Variants in LRPPRC observed in about 807,000 individuals in gnomAD.
LRPPRC encodes leucine-rich PPR motif-containing protein, mitochondrial.
A neutral mutation model predicts 180.3 loss-of-function variants in LRPPRC; 120 were observed. That is an observed-to-expected ratio of 0.67 (90% CI 0.57 to 0.77). The LOEUF is 0.77. Ranked by LOEUF, LRPPRC falls within the 30% of genes least tolerant of loss-of-function variation. The pLI is 0.00. For missense variants in LRPPRC, 2,012 were observed against 1,657.2 expected, an observed-to-expected ratio of 1.21 and a Z score of -3.72; for synonymous variants, 723 against 600.0, an observed-to-expected ratio of 1.21 and a Z score of -3.00.
Position 43,920,441 on chromosome 2 carries a change from C to G in LRPPRC, c.2897-2043G>C, listed in dbSNP as rs551258080. On this transcript the variant is annotated intron_variant, in intron 27 of 37. Coordinates refer to ENST00000260665, the MANE Select transcript of LRPPRC (RefSeq NM_133259.4). Reference sequence around the variant, plus strand: ...GTGAGCCACCTTGCCCAGCTGCAGCCTAAACTTTCATACAGACTACATCGC... The same window carrying G: ...GTGAGCCACCTTGCCCAGCTGCAGCGTAAACTTTCATACAGACTACATCGC... 2.0e-4 allele frequency among the ~76,000 whole-genome samples: 31 copies of G among 152,094 alleles called. No homozygotes were observed. The South Asian group carries it at 6.5e-3, about 32-fold the overall frequency.
rs371286969 is a variant in LRPPRC at position 43,947,370 on chromosome 2, T to G, written c.1966A>C (p.Thr656Pro). 6.7e-7 allele frequency: 1 copy of G among 1,495,800 alleles called. No homozygotes were observed. The highest frequency in any genetic ancestry group is 1.7e-5 in the Admixed American group (1 of 59,606). The allele number at this position is 1,495,800 out of a possible 1,614,324, so 92.7% of individuals were successfully genotyped here. ...AATTCAGATGATGTAAGTTGCACAG[T>G]CTACAGAAAAGAAAAAAGAAAAGAA... ...VESKNLDFQK[T>P]VQLTSSELES... The change falls in exon 20 of 38, where the codon ACT becomes CCT. Residue 656 changes from threonine (T) to proline (P), a missense_variant and splice_region_variant. Physicochemically the swap from Thr to Pro is conservative, Grantham distance 38. Coordinates refer to ENST00000260665, the MANE Select transcript of LRPPRC (RefSeq NM_133259.4).
At chr2:43,917,042 C>CTTT (rs1206227556) in intron 29 of LRPPRC, among the ~76,000 whole-genome samples, 15 of 119,026 alleles carry the variant, frequency 1.3e-4, no homozygotes, top group Admixed American at 1.8e-4. Flanking sequence ...ACTAGATTTG[C>CTTT]TTTTTTTTTT....
chr2:43,965,943 G>T (rs1331665865), intron 11 of LRPPRC, among the ~76,000 whole-genome samples: 3 of 152,122 alleles, frequency 2.0e-5, no homozygotes. Flanking sequence ...GAAAAACTTA[G>T]AAGTAGAATT....
intron 1 of LRPPRC, among the ~76,000 whole-genome samples, chr2:43,985,805 T>C (rs994309605): frequency 2.0e-5 from 3 of 152,234 alleles, no homozygotes; most frequent in African/African-American, 7.2e-5. Context: ...GTGTGAAGGT[T>C]TTGGTATGGA....
intron 25 of LRPPRC, among the ~76,000 whole-genome samples, chr2:43,932,500 A>G (rs1018219448): frequency 1.3e-5 from 2 of 152,224 alleles, no homozygotes; most frequent in African/African-American, 4.8e-5. Flanking sequence ...TTCTGTCATC[A>G]GCAGACAGCC....
intron 14 of LRPPRC, among the ~76,000 whole-genome samples, chr2:43,954,736 T>C (rs541900560): frequency 1.4e-4 from 21 of 152,264 alleles, no homozygotes; most frequent in African/African-American, 4.8e-4. Context: ...TTTGTTTTGG[T>C]AGTGGCAAAA....
chr2:43,948,336 T>C, intron 17 of LRPPRC, 76 bp downstream of exon 17: 1 of 1,013,884 alleles, frequency 9.9e-7, no homozygotes. Context: ...TGGTTGTACT[T>C]AAAAGCAGCA....
At chr2:43,954,337 A>G (rs537672356) in intron 14 of LRPPRC, among the ~76,000 whole-genome samples, 8 of 152,374 alleles carry the variant, frequency 5.3e-5, no homozygotes, top group Non-Finnish European at 7.3e-5. Context: ...CAAATGGCCA[A>G]TAAGTATGCT....
At position 43,886,903 on chromosome 2, in the gene LRPPRC, G is replaced by C. The variant is rs1670289151; in HGVS notation, c.*1697C>G. 1 of 152,220 alleles carries C rather than the reference G, an allele frequency of 6.6e-6. No individual in the cohort carries two copies. Among genetic ancestry groups the C allele is most frequent in the Non-Finnish European group, 1.5e-5 (1 of 68,130 alleles). 9.4% of individuals were successfully genotyped at this position (152,220 alleles called of 1,614,324 possible). A position where few individuals can be genotyped will look rare whatever the true frequency, so the allele number is the denominator to read the frequency against. ...CACCTGTAATCCCAGCACTTTGGGA[G>C]GCTGAAGCGAGCGCAGGGGGAGGAT... On this transcript the variant is annotated 3_prime_UTR_variant, in exon 38 of 38. Transcript: ENST00000260665.
chr2:43,901,495 C>G lies in LRPPRC; in HGVS notation c.3394G>C (p.Asp1132His), dbSNP rs1227246297. The G allele has an allele frequency of 6.2e-7, 1 of 1,613,656 alleles. No individual in the cohort carries two copies. Among genetic ancestry groups the G allele is most frequent in the African/African-American group, 1.3e-5 (1 of 74,908 alleles). The part of the protein sequence containing the change: ...EAVTTLKTVL[D>H]QQQTPSRLAV... ...AACCTAGAAGGGGTCTGCTGCTGAT[C>G]CAATACTGTTTTCAGTGTTGTCACA... is the stretch of plus-strand genomic sequence containing the variant. Residue 1132 changes from aspartate to histidine, a missense_variant, in exon 32 of 38, where the codon GAT becomes CAT. By Grantham distance (81) the Asp-to-His change is moderately conservative (BLOSUM62 -1). Coordinates refer to ENST00000260665, the MANE Select transcript of LRPPRC (RefSeq NM_133259.4).
At chr2:43,987,870 T>A (rs1414264043) in intron 1 of LRPPRC, among the ~76,000 whole-genome samples, 1 of 152,220 alleles carries the variant, frequency 6.6e-6, no homozygotes, top group Non-Finnish European at 1.5e-5. Flanking sequence ...TATAAGGCAC[T>A]GGCTAGAATA....
Position 43,946,260 on chromosome 2 carries a change from A to G in LRPPRC, c.2080-17T>C, listed in dbSNP as rs1672678312. 1 of 1,604,138 alleles carries G rather than the reference A, an allele frequency of 6.2e-7. No individual in the cohort carries two copies. The highest frequency in any genetic ancestry group is 8.5e-7 in the Non-Finnish European group (1 of 1,171,496). ...TTGCATATTCTAAAATACAGCATAG[A>G]TGTGAAAAAGAAGAAATCAGTGTGA... On this transcript the variant is annotated splice_polypyrimidine_tract_variant and intron_variant, in intron 20 of 37. Transcript: ENST00000260665.
chr2:43,957,320 A>T, intron 14 of LRPPRC, 65 bp downstream of exon 14: 1 of 1,059,564 alleles, frequency 9.4e-7, no homozygotes, highest in Non-Finnish European at 1.5e-6. Context: ...CTCATGCAAT[A>T]AGTCAAAAGG....
In LRPPRC at chr2:43,943,737, T is replaced by C; in HGVS notation, c.2454A>G (p.Ala818=). The C allele has an allele frequency of 6.2e-7, 1 of 1,613,556 alleles. No individual in the cohort carries two copies. The highest frequency in any genetic ancestry group is 8.5e-7 in the Non-Finnish European group (1 of 1,179,490). Residue 818 remains alanine (A), a synonymous_variant, in exon 23 of 38, where the codon GCA becomes GCG. Coordinates refer to ENST00000260665, the MANE Select transcript of LRPPRC (RefSeq NM_133259.4). ...LHEAIVTLGL[A]EPSTNISFPL... is the part of the protein sequence containing the mutation. Reference sequence around the variant, plus strand: ...GGAAACTTATGTTGGTGGATGGTTCTGCTAACCCTAGAGTCACGATGGCTT... The same window carrying C: ...GGAAACTTATGTTGGTGGATGGTTCCGCTAACCCTAGAGTCACGATGGCTT...
chr2:43,900,847 A>C (rs1670855631), intron 32 of LRPPRC, among the ~76,000 whole-genome samples: 1 of 152,206 alleles, frequency 6.6e-6, no homozygotes, highest in South Asian at 2.1e-4. Flanking sequence ...AGTGGTAAGA[A>C]AATCAGCTCT....
chr2:43,978,442 C>A (rs556781223), intron 3 of LRPPRC, among the ~76,000 whole-genome samples: 1 of 152,210 alleles, frequency 6.6e-6, no homozygotes, highest in East Asian at 1.9e-4. Context: ...TATAATAACA[C>A]ATTGTTAATC....
chr2:43,948,200 C>T lies in LRPPRC; in HGVS notation c.1843-1G>A. 2 of 1,565,190 alleles carry T rather than the reference C, an allele frequency of 1.3e-6. No homozygotes were observed. Among genetic ancestry groups the T allele is most frequent in the Non-Finnish European group, 1.8e-6 (2 of 1,135,662 alleles). On this transcript the variant is annotated splice_acceptor_variant, in intron 17 of 37. Transcript: ENST00000260665. LOFTEE classifies it high-confidence loss of function. ...AGATATTTTCAGGAATTTTTACATT[C>T]TGTGAGAAGGGAAGGGAGGGGGGAA...
chr2:43,911,523 C>CTTCTTTT (rs1217364053), intron 30 of LRPPRC, among the ~76,000 whole-genome samples: 1 of 92,372 alleles, frequency 1.1e-5, no homozygotes, highest in African/African-American at 4.3e-5. Context: ...TCTTCTTCTT[C>CTTCTTTT]TTTTTTTTTT....
intron 23 of LRPPRC, among the ~76,000 whole-genome samples, chr2:43,936,319 T>A (rs1022590126): frequency 6.6e-6 from 1 of 152,196 alleles, no homozygotes; most frequent in African/African-American, 2.4e-5. Flanking sequence ...CACTGGTATT[T>A]GAATAATGTA....
Sources: allele counts gnomAD v4.1 joint callset (sites outside exome capture counted in the v4.1 genomes callset), GRCh38; gene constraint gnomAD v4.1.1; transcripts MANE v1.5; gene names NCBI Gene and HGNC (gene_info 2026-07-23, HGNC 2026-07-21).